The following PSD3 variants were observed in gnomAD, a reference collection of about 807,000 sequenced individuals.
PSD3 encodes the protein pleckstrin and Sec7 domain containing 3.
A neutral mutation model predicts 105.5 loss-of-function variants in PSD3; 49 were observed. The observed-to-expected ratio is 0.46, with a 90% confidence interval of 0.37 to 0.59. The LOEUF is 0.59. PSD3 is among the 20% of genes least tolerant of loss of function. PSD3 has a pLI of 0.00. For missense variants in PSD3, 1,561 were observed against 1,263.8 expected (o/e 1.24, Z -3.57); for synonymous variants, 557 against 457.8 (o/e 1.22, Z -2.77).
chr8:18,675,908 C>T (rs945600117), intron 9 of PSD3, among the ~76,000 whole-genome samples: 1 of 152,122 alleles, frequency 6.6e-6, no homozygotes, highest in Non-Finnish European at 1.5e-5. Flanking sequence ...CTATTAGACT[C>T]TAAGCTGGAC....
intron 9 of PSD3, among the ~76,000 whole-genome samples, chr8:18,759,582 T>G (rs891720658): frequency 4.1e-4 from 63 of 152,120 alleles, no homozygotes; most frequent in Admixed American, 3.9e-3. Context: ...AAAAAAGAAA[T>G]AAAGATCTAA....
chr8:19,060,313 A>G (rs369218932), intron 1 of PSD3, among the ~76,000 whole-genome samples: 6 of 152,342 alleles, frequency 3.9e-5, no homozygotes, highest in South Asian at 4.1e-4. Context: ...TTTGCTATCA[A>G]TACCTCCTAT....
intron 9 of PSD3, among the ~76,000 whole-genome samples, chr8:18,660,303 G>C (rs1207280041): frequency 6.6e-6 from 1 of 152,096 alleles, no homozygotes; most frequent in Non-Finnish European, 1.5e-5. Flanking sequence ...GAAGAGGCGA[G>C]GAAGAGACTT....
intron 4 of PSD3, among the ~76,000 whole-genome samples, chr8:18,832,741 AGAG>A (rs1813778963): frequency 6.6e-6 from 1 of 152,234 alleles, no homozygotes; most frequent in Admixed American, 6.5e-5. Flanking sequence ...GGTGGAAGGC[AGAG>A]GAGGAGCAAA....
At chr8:18,775,347 T>C (rs1486670794) in intron 8 of PSD3, among the ~76,000 whole-genome samples, 3 of 152,224 alleles carry the variant, frequency 2.0e-5, no homozygotes, top group African/African-American at 7.2e-5. Context: ...TTCTTGAATA[T>C]ACTGACTTCG....
intron 1 of PSD3, among the ~76,000 whole-genome samples, chr8:19,040,965 A>C (rs1377925443): frequency 6.6e-6 from 1 of 152,146 alleles, no homozygotes; most frequent in Non-Finnish European, 1.5e-5. Context: ...CGATCATAGC[A>C]CATTGCAGCC....
At chr8:18,915,296 G>T (rs1820510890) in intron 2 of PSD3, among the ~76,000 whole-genome samples, 1 of 151,918 alleles carries the variant, frequency 6.6e-6, no homozygotes, top group African/African-American at 2.4e-5. Context: ...ATGATTTTTT[G>T]GTATATAACA....
chr8:18,844,386 T>A (rs1814907851), intron 4 of PSD3, among the ~76,000 whole-genome samples: 1 of 152,160 alleles, frequency 6.6e-6, no homozygotes, highest in Non-Finnish European at 1.5e-5. Flanking sequence ...TCAGAAACTT[T>A]AAAACTCTAA....
chr8:19,001,135 C>CA (rs1826361702), intron 1 of PSD3, among the ~76,000 whole-genome samples: 1 of 151,504 alleles, frequency 6.6e-6, no homozygotes, highest in Non-Finnish European at 1.5e-5. Flanking sequence ...TGCTCTGTCA[C>CA]CCAGACTGGA....
At chr8:18,701,132 A>AT (rs35402329) in intron 9 of PSD3, among the ~76,000 whole-genome samples, 79,952 of 137,972 alleles carry the variant, frequency 0.58, 23,349 homozygotes, top group Middle Eastern at 0.73. Flanking sequence ...AGCCTGGCTG[A>AT]TTTTTTTTTT....
intron 1 of PSD3, among the ~76,000 whole-genome samples, chr8:18,953,793 G>A (rs1042106150): frequency 2.0e-5 from 3 of 151,936 alleles, no homozygotes; most frequent in African/African-American, 7.3e-5. Flanking sequence ...ACGATAGGAT[G>A]GAATACAGTG....
intron 2 of PSD3, among the ~76,000 whole-genome samples, chr8:18,914,035 G>A (rs1820416210): frequency 6.6e-6 from 1 of 152,000 alleles, no homozygotes; most frequent in Non-Finnish European, 1.5e-5. Context: ...ACTTGAACCT[G>A]AAAATCCAGG....
At chr8:18,935,783 T>C (rs1284215344) in intron 2 of PSD3, among the ~76,000 whole-genome samples, 1 of 152,092 alleles carries the variant, frequency 6.6e-6, no homozygotes, top group Non-Finnish European at 1.5e-5. Context: ...GGTTAATTCT[T>C]GGAATTTCAA....
At chr8:18,751,006 A>C (rs1293064183) in intron 9 of PSD3, among the ~76,000 whole-genome samples, 1 of 152,158 alleles carries the variant, frequency 6.6e-6, no homozygotes, top group Non-Finnish European at 1.5e-5. Context: ...CCGGGGCTGC[A>C]GGTGGAGCTG....
At chr8:18,556,126 A>G in intron 15 of PSD3, 83 bp downstream of exon 15, 1 of 1,480,156 alleles carries the variant, frequency 6.8e-7, no homozygotes, top group Non-Finnish European at 9.1e-7. Flanking sequence ...TCTCAGTGAC[A>G]CTGCAAAGAA....
At chr8:18,808,606 A>G (rs1811406817) in intron 4 of PSD3, 3 of 1,101,638 alleles carry the variant, frequency 2.7e-6, no homozygotes, top group Non-Finnish European at 3.9e-6. Flanking sequence ...AGGTTTCAGT[A>G]AAAGGAGAAA....
intron 1 of PSD3, among the ~76,000 whole-genome samples, chr8:19,009,091 C>T (rs945015476): frequency 2.0e-5 from 3 of 152,204 alleles, no homozygotes; most frequent in Non-Finnish European, 2.9e-5. Context: ...CACATAACTA[C>T]GTGGAACTCC....
chr8:18,831,381 G>C (rs1490869034), intron 4 of PSD3, among the ~76,000 whole-genome samples: 1 of 152,134 alleles, frequency 6.6e-6, no homozygotes, highest in Non-Finnish European at 1.5e-5. Context: ...AAATCAGTTT[G>C]ATCACCGTAT....
chr8:18,948,979 C>T (rs528626884), intron 1 of PSD3, among the ~76,000 whole-genome samples: 2 of 151,158 alleles, frequency 1.3e-5, no homozygotes, highest in South Asian at 4.2e-4. Context: ...TAGAACTGCA[C>T]CTTACAAATA....
Sources: gnomAD v4.1 joint callset for allele counts (sites outside exome capture counted in the v4.1 genomes callset) on GRCh38, gnomAD v4.1.1 for gene constraint, MANE v1.5 for transcripts, NCBI Gene and HGNC (gene_info 2026-07-23, HGNC 2026-07-21) for gene names.